The following FNDC3A variants were observed in gnomAD, a reference collection of about 807,000 sequenced individuals.
FNDC3A encodes fibronectin type III domain containing 3A, also known as fibronectin type-III domain-containing protein 3A.
Under a neutral mutation model 148.9 loss-of-function variants are expected in FNDC3A, and 32 were observed. That is an observed-to-expected ratio of 0.21 (90% CI 0.16 to 0.29). The LOEUF (loss-of-function observed/expected upper bound fraction) is 0.29, where lower values mean the gene tolerates loss of function less well. Among genes scored for constraint, FNDC3A ranks in the 10% least tolerant of loss-of-function variants. The pLI, the probability that FNDC3A is intolerant of heterozygous loss-of-function variation, is 1.00. For synonymous variants in FNDC3A, 472 were observed against 473.6 expected (o/e 1.00, Z 0.04); for missense variants, 1,191 against 1,452.8 (o/e 0.82, Z 2.93).
intron 4 of FNDC3A, among the ~76,000 whole-genome samples, chr13:49,126,515 G>T (rs1194229361): frequency 6.6e-6 from 1 of 152,016 alleles, no homozygotes; most frequent in East Asian, 1.9e-4. Flanking sequence ...CAGAAAAGTG[G>T]TTTTAATTTC....
intron 14 of FNDC3A, 76 bp from the exon 15 acceptor site, chr13:49,185,888 C>T (rs143582210): frequency 8.6e-7 from 1 of 1,164,236 alleles, no homozygotes; most frequent in South Asian, 1.4e-5. Flanking sequence ...CTGTTTGTCT[C>T]CTATCACTTT....
At position 49,190,181 on chromosome 13, in the gene FNDC3A, C is replaced by T. The variant is rs145009280; in HGVS notation, c.1945-834C>T. 9.6e-3 allele frequency among the ~76,000 whole-genome samples: 1,459 copies of T among 152,206 alleles called. 14 individuals carry two copies. Among genetic ancestry groups the T allele is most frequent in the African/African-American group, 0.023 (944 of 41,512 alleles). ...GATTACAGGTGTGAGCCACCGCGCC[C>T]GGCCCAGTGTGGCATTGTTTTTAAC... On this transcript the variant is annotated intron_variant, in intron 17 of 25. Coordinates refer to ENST00000492622, the MANE Select transcript of FNDC3A (RefSeq NM_001079673.2).
intron 2 of FNDC3A, among the ~76,000 whole-genome samples, chr13:49,013,928 C>T (rs1202159748): frequency 6.6e-6 from 1 of 151,720 alleles, no homozygotes; most frequent in African/African-American, 2.4e-5. Flanking sequence ...GACATGAACT[C>T]ATCATTTTTT....
At chr13:49,059,995 A>C (rs1457026150) in intron 2 of FNDC3A, among the ~76,000 whole-genome samples, 2 of 152,250 alleles carry the variant, frequency 1.3e-5, no homozygotes, top group Admixed American at 1.3e-4. Context: ...AGATATAATT[A>C]AAAAATGGAA....
intron 3 of FNDC3A, among the ~76,000 whole-genome samples, chr13:49,090,368 C>T (rs1206125288): frequency 6.6e-6 from 1 of 152,164 alleles, no homozygotes; most frequent in Non-Finnish European, 1.5e-5. Flanking sequence ...GAGCCAAGAT[C>T]ACGCCACTGC....
In FNDC3A at chr13:49,207,546, A is replaced by G. The variant is rs1171935668; in HGVS notation, c.*151A>G. On this transcript the variant is annotated 3_prime_UTR_variant, in exon 26 of 26. Transcript: ENST00000492622. ...TGCCATTTTCAGTGCTTATATTGTT[A>G]GGTAGAGGCTGGCACTTTATTAGAA... 1 of 518,892 alleles carries G rather than the reference A, an allele frequency of 1.9e-6. No homozygotes were observed. The highest frequency in any genetic ancestry group is 3.4e-6 in the Non-Finnish European group (1 of 294,220). 32.1% of individuals were successfully genotyped at this position (518,892 alleles called of 1,614,324 possible).
chr13:49,001,780 A>T (rs937531106), intron 1 of FNDC3A, among the ~76,000 whole-genome samples: 1 of 152,114 alleles, frequency 6.6e-6, no homozygotes, highest in Non-Finnish European at 1.5e-5. Context: ...TCCTGATAAG[A>T]TGTTATCAAT....
chr13:49,047,850 G>T (rs1431258234), intron 2 of FNDC3A, among the ~76,000 whole-genome samples: 1 of 152,082 alleles, frequency 6.6e-6, no homozygotes. Flanking sequence ...TGGGTTCTTG[G>T]TCATGAAGTC....
At chr13:49,150,606 T>C (rs1419830631) in intron 8 of FNDC3A, among the ~76,000 whole-genome samples, 1 of 152,074 alleles carries the variant, frequency 6.6e-6, no homozygotes, top group Admixed American at 6.6e-5. Flanking sequence ...TTTCTAGTTT[T>C]ATTCTATTAA....
At chr13:49,192,722 C>G (rs184921291) in intron 19 of FNDC3A, among the ~76,000 whole-genome samples, 2 of 152,270 alleles carry the variant, frequency 1.3e-5, no homozygotes, top group African/African-American at 2.4e-5. Context: ...TTAATACTTA[C>G]GTCTTAATTT....
chr13:49,047,953 A>T (rs1364400097), intron 2 of FNDC3A, among the ~76,000 whole-genome samples: 1 of 152,168 alleles, frequency 6.6e-6, no homozygotes, highest in Non-Finnish European at 1.5e-5. Flanking sequence ...ACTTCGATTT[A>T]TCTTGAGCTG....
intron 3 of FNDC3A, among the ~76,000 whole-genome samples, chr13:49,084,346 A>G (rs921425797): frequency 2.0e-5 from 3 of 152,194 alleles, no homozygotes; most frequent in Non-Finnish European, 4.4e-5. Flanking sequence ...AACTGCTAAA[A>G]TATTTTTATT....
intron 4 of FNDC3A, among the ~76,000 whole-genome samples, chr13:49,123,764 A>G (rs1357107569): frequency 6.6e-6 from 1 of 152,208 alleles, no homozygotes. Context: ...ATCATTGGTC[A>G]TTAGAGAAAT....
chr13:49,182,250 A>G (rs1257558091), intron 14 of FNDC3A, among the ~76,000 whole-genome samples: 4 of 152,074 alleles, frequency 2.6e-5, no homozygotes, highest in South Asian at 2.1e-4. Context: ...CAGCCTCCCA[A>G]AGTACTAGGA....
chr13:48,977,437 A>C (rs966930122), intron 1 of FNDC3A, among the ~76,000 whole-genome samples: 12 of 152,324 alleles, frequency 7.9e-5, no homozygotes, highest in Non-Finnish European at 1.8e-4. Flanking sequence ...AAACGAATTG[A>C]GTTTTGTGGT....
At chr13:49,121,960 A>G (rs1182303615) in intron 4 of FNDC3A, among the ~76,000 whole-genome samples, 3 of 152,212 alleles carry the variant, frequency 2.0e-5, no homozygotes, top group Non-Finnish European at 2.9e-5. Context: ...AAGTATTACA[A>G]ACAACAGAAA....
At position 49,198,000 on chromosome 13, in the gene FNDC3A, G is replaced by T; in HGVS notation, c.2509G>T (p.Ala837Ser). Residue 837 changes from alanine to serine, a missense_variant, in exon 22 of 26, where the codon GCA becomes TCA. By Grantham distance (99) the Ala-to-Ser change is moderately conservative. Transcript: ENST00000492622. Reference sequence around the variant, plus strand: ...TTTGTAGGCTCTGAGTGTTGTGGGTGCAGGCCCTTTCAGTGAAGTAGTAGC... The same window carrying T: ...TTTGTAGGCTCTGAGTGTTGTGGGTTCAGGCCCTTTCAGTGAAGTAGTAGC... ...CRVQALSVVG[A>S]GPFSEVVACV... 6.2e-7 allele frequency: 1 copy of T among 1,613,946 alleles called. No homozygotes were observed. Among genetic ancestry groups the T allele is most frequent in the Non-Finnish European group, 8.5e-7 (1 of 1,179,900 alleles).
At chr13:49,187,314 G>C (rs999474862) in intron 16 of FNDC3A, 124 bp downstream of exon 16, 8 of 889,348 alleles carry the variant, frequency 9.0e-6, no homozygotes, top group Non-Finnish European at 1.4e-5. Context: ...ACCATAAAAA[G>C]ATGTTCACTT....
chr13:49,186,827 C>G (rs1290221858), intron 15 of FNDC3A, among the ~76,000 whole-genome samples: 2 of 152,148 alleles, frequency 1.3e-5, no homozygotes, highest in Admixed American at 1.3e-4. Flanking sequence ...GAGATTGTAC[C>G]ATTGCATTCC....
Sources: allele counts gnomAD v4.1 joint callset (sites outside exome capture counted in the v4.1 genomes callset), GRCh38; gene constraint gnomAD v4.1.1; transcripts MANE v1.5; gene names NCBI Gene and HGNC (gene_info 2026-07-23, HGNC 2026-07-21).